RBFOX1: variants seen among roughly 807,000 people sequenced by gnomAD.
RBFOX1 encodes the protein RNA binding protein fox-1 homolog 1.
A neutral mutation model predicts 57.7 loss-of-function variants in RBFOX1; 8 were observed. That is an observed-to-expected ratio of 0.14 (90% CI 0.08 to 0.25). The LOEUF is 0.25. RBFOX1 is among the 10% of genes least tolerant of loss of function. RBFOX1 has a pLI of 1.00. For missense variants in RBFOX1, 611 were observed against 548.5 expected (o/e 1.11, Z -1.14); for synonymous variants, 326 against 222.4 (o/e 1.47, Z -4.15).
chr16:6,794,771 C>T (rs544669193), intron 3 of RBFOX1, among the ~76,000 whole-genome samples: 2 of 151,998 alleles, frequency 1.3e-5, no homozygotes, highest in African/African-American at 4.8e-5. Context: ...TGTAGGGAAA[C>T]ATGTTTAATG....
intron 3 of RBFOX1, among the ~76,000 whole-genome samples, chr16:7,004,775 G>C (rs928054090): frequency 1.2e-4 from 18 of 152,200 alleles, no homozygotes; most frequent in African/African-American, 4.1e-4. Flanking sequence ...GGCTGTACCA[G>C]ATTAAGATAA....
At position 5,393,046 on chromosome 16, in the gene RBFOX1, C is replaced by T. The variant is rs781550208; in HGVS notation, c.220-74170C>T. On this transcript the variant is annotated intron_variant, in intron 1 of 2. Coordinates refer to the RBFOX1 transcript ENST00000585867. ...TGAGAAGAGGTGGCTAAAAGACCTC[C>T]GAGCATGGGAACCTGGAGGCAGAAG... 3.9e-5 allele frequency among the ~76,000 whole-genome samples: 6 copies of T among 152,194 alleles called. No individual in the cohort carries two copies. In the East Asian group the frequency reaches 7.7e-4, roughly 20 times the overall value.
chr16:5,365,924 T>A, intron 1 of RBFOX1: 1 of 495,528 alleles, frequency 2.0e-6, no homozygotes, highest in South Asian at 1.5e-5. Flanking sequence ...ACCAGTTATC[T>A]TTAAGAATGG....
intron 4 of RBFOX1, among the ~76,000 whole-genome samples, chr16:7,464,478 A>C (rs889256583): frequency 1.3e-5 from 2 of 152,146 alleles, no homozygotes; most frequent in African/African-American, 4.8e-5. Context: ...TCATTATGGC[A>C]GAATGGGATT....
At chr16:5,995,975 C>T (rs1456797841) in intron 4 of RBFOX1, among the ~76,000 whole-genome samples, 1 of 152,144 alleles carries the variant, frequency 6.6e-6, no homozygotes. Flanking sequence ...TGTTGTGGTT[C>T]ATAGATGGCA....
intron 4 of RBFOX1, among the ~76,000 whole-genome samples, chr16:7,216,012 C>T (rs376393750): frequency 5.3e-5 from 8 of 152,210 alleles, no homozygotes; most frequent in African/African-American, 9.6e-5. Context: ...CGTGAGCCAC[C>T]GCGCCCAGCC....
At chr16:5,294,755 G>C (rs960798501) in intron 1 of RBFOX1, among the ~76,000 whole-genome samples, 10 of 152,062 alleles carry the variant, frequency 6.6e-5, no homozygotes, top group African/African-American at 2.4e-4. Flanking sequence ...GACAGGCCAG[G>C]TGCAGTGGCT....
At chr16:7,062,360 G>A (rs984564940) in intron 4 of RBFOX1, among the ~76,000 whole-genome samples, 1 of 150,102 alleles carries the variant, frequency 6.7e-6, no homozygotes, top group African/African-American at 2.5e-5. Context: ...AGGAAAAATG[G>A]TAATGAGATA....
chr16:6,598,841 G>A (rs920580203), intron 2 of RBFOX1, among the ~76,000 whole-genome samples: 1 of 152,260 alleles, frequency 6.6e-6, no homozygotes, highest in South Asian at 2.1e-4. Flanking sequence ...AGCTACTCGG[G>A]AGGCTGAGGC....
At chr16:7,498,794 CA>C (rs1219138164) in intron 4 of RBFOX1, among the ~76,000 whole-genome samples, 2 of 152,148 alleles carry the variant, frequency 1.3e-5, no homozygotes, top group African/African-American at 4.8e-5. Flanking sequence ...GCTGATCTAG[CA>C]AGCTCTTAAA....
At chr16:7,008,289 C>G (rs1460678278) in intron 3 of RBFOX1, among the ~76,000 whole-genome samples, 2 of 152,012 alleles carry the variant, frequency 1.3e-5, no homozygotes, top group African/African-American at 2.4e-5. Context: ...TACCTGTAAT[C>G]CCAGCACTTT....
intron 3 of RBFOX1, among the ~76,000 whole-genome samples, chr16:7,004,904 C>A (rs921502270): frequency 1.3e-5 from 2 of 152,134 alleles, no homozygotes; most frequent in Non-Finnish European, 2.9e-5. Context: ...AATTCCAGGA[C>A]TTTGTAAGGT....
intron 3 of RBFOX1, among the ~76,000 whole-genome samples, chr16:6,956,144 G>T (rs1046545915): frequency 3.3e-5 from 5 of 152,300 alleles, no homozygotes; most frequent in African/African-American, 9.6e-5. Context: ...GACCTGGACA[G>T]ATTGCTAAGT....
chr16:6,050,327 G>C (rs1301734653), intron 1 of RBFOX1, among the ~76,000 whole-genome samples: 1 of 152,080 alleles, frequency 6.6e-6, no homozygotes, highest in African/African-American at 2.4e-5. Flanking sequence ...ATTTTTCTTT[G>C]TGGTGATTGT....
At chr16:6,882,905 C>A (rs1046468000) in intron 3 of RBFOX1, among the ~76,000 whole-genome samples, 1 of 152,054 alleles carries the variant, frequency 6.6e-6, no homozygotes, top group Admixed American at 6.6e-5. Flanking sequence ...TTATACTTAC[C>A]AGGAGTTATG....
At chr16:5,434,719 G>A (rs1182309367) in intron 1 of RBFOX1, among the ~76,000 whole-genome samples, 1 of 152,160 alleles carries the variant, frequency 6.6e-6, no homozygotes, top group Non-Finnish European at 1.5e-5. Flanking sequence ...GTCATGAAAT[G>A]TAAGGGATTT....
At chr16:6,758,668 A>G (rs549175458) in intron 3 of RBFOX1, among the ~76,000 whole-genome samples, 40 of 152,324 alleles carry the variant, frequency 2.6e-4, no homozygotes, top group African/African-American at 9.6e-4. Context: ...TAGTAGCAAG[A>G]CACACCACCA....
At chr16:7,470,372 G>A (rs2061345002) in intron 4 of RBFOX1, among the ~76,000 whole-genome samples, 1 of 152,220 alleles carries the variant, frequency 6.6e-6, no homozygotes, top group Admixed American at 6.5e-5. Context: ...TATTTGAAAT[G>A]AGTGATTGTA....
At chr16:6,988,375 G>GT (rs1247591945) in intron 3 of RBFOX1, among the ~76,000 whole-genome samples, 1 of 151,998 alleles carries the variant, frequency 6.6e-6, no homozygotes, top group Non-Finnish European at 1.5e-5. Flanking sequence ...TTTACTTATG[G>GT]TTATTGAGTG....
Sources: allele counts gnomAD v4.1 joint callset (sites outside exome capture counted in the v4.1 genomes callset), GRCh38; gene constraint gnomAD v4.1.1; transcripts MANE v1.5; gene names NCBI Gene and HGNC (gene_info 2026-07-23, HGNC 2026-07-21).